ARID5B: variants seen among roughly 807,000 people sequenced by gnomAD.
ARID5B encodes AT-rich interaction domain 5B, also known as AT-rich interactive domain-containing protein 5B.
ARID5B carries 13 observed loss-of-function variants against 97.2 expected under a neutral mutation model. The observed-to-expected ratio is 0.13, with a 90% CI of 0.09 to 0.21. The LOEUF is 0.21. Among genes scored for constraint, ARID5B ranks in the 10% least tolerant of loss-of-function variants. The probability of loss-of-function intolerance (pLI) is 1.00; values close to 1 mark genes in which losing one functional copy is unlikely to be tolerated. For synonymous variants in ARID5B, 556 were observed against 570.3 expected (o/e 0.97, Z 0.36); for missense variants, 1,210 against 1,465.3 (o/e 0.83, Z 2.84).
intron 3 of ARID5B, among the ~76,000 whole-genome samples, chr10:61,957,980 G>A (rs1838415595): frequency 1.3e-5 from 2 of 152,060 alleles, no homozygotes; most frequent in East Asian, 1.9e-4. Flanking sequence ...CCTCAACTAC[G>A]GCCTTCATTT....
intron 3 of ARID5B, among the ~76,000 whole-genome samples, chr10:61,985,439 T>C (rs1450245870): frequency 6.6e-6 from 1 of 152,016 alleles, no homozygotes; most frequent in Non-Finnish European, 1.5e-5. Context: ...AGCCAATAGA[T>C]GGAAGACCAT....
chr10:62,001,930 C>T, intron 4 of ARID5B, among the ~76,000 whole-genome samples: 1 of 151,930 alleles, frequency 6.6e-6, no homozygotes, highest in East Asian at 1.9e-4. Flanking sequence ...TTTACAATGC[C>T]CTCTCTTTTC....
rs1419584688 is a variant in ARID5B at position 62,044,311 on chromosome 10, TG to T, written c.734-6576del. 6.6e-5 allele frequency among the ~76,000 whole-genome samples: 10 copies of T among 152,180 alleles called. No individual in the cohort carries two copies. In the East Asian group the frequency reaches 1.5e-3, roughly 23 times the overall value. ...GGGGTTGTCTGCTCTTGATGACATT[TG>T]AACATGAAAAGTGTTTAAATCTGGC... On this transcript the variant is annotated intron_variant, in intron 4 of 9. Transcript: ENST00000279873.
Position 62,091,852 on chromosome 10 carries a change from G to A in ARID5B, c.2389G>A (p.Ala797Thr). The A allele has an allele frequency of 1.9e-6, 3 of 1,614,040 alleles. No homozygotes were observed. The highest frequency in any genetic ancestry group is 3.3e-5 in the Admixed American group (2 of 60,012). ...SFSKHHLNPL[A>T]DSYVLKQEIQ... is the part of the protein sequence containing the mutation. Reference sequence around the variant, plus strand: ...CTCCAAGCATCACCTTAACCCCCTTGCTGACTCCTACGTCCTGAAGCAAGA... The same window carrying A: ...CTCCAAGCATCACCTTAACCCCCTTACTGACTCCTACGTCCTGAAGCAAGA... The change falls in exon 10 of 10, where the codon GCT becomes ACT. Residue 797 changes from alanine (A) to threonine (T), a missense_variant. Physicochemically the swap from Ala to Thr is moderately conservative, Grantham distance 58. This residue lies in a region of ARID5B where 800 missense variants were observed against 839.1 expected (regional missense o/e 0.95). Transcript: ENST00000279873.
chr10:62,030,477 T>C (rs1839482826), intron 4 of ARID5B, among the ~76,000 whole-genome samples: 1 of 152,140 alleles, frequency 6.6e-6, no homozygotes, highest in African/African-American at 2.4e-5. Flanking sequence ...AAAAGCAGAA[T>C]ATATTTAATA....
At position 62,094,878 on chromosome 10, in the gene ARID5B, A is replaced by G. The variant is rs1033319332; in HGVS notation, c.*1848A>G. ...AAATTGGTGACAATTTTCAACTTCTAAATAGGTAACTCGACTGCAAAATAA... is the reference window on the plus strand; with the variant it reads ...AAATTGGTGACAATTTTCAACTTCTGAATAGGTAACTCGACTGCAAAATAA... On this transcript the variant is annotated 3_prime_UTR_variant, in exon 10 of 10. Transcript: ENST00000279873. 1.3e-5 allele frequency: 3 copies of G among 231,068 alleles called. No homozygotes were observed. Among genetic ancestry groups the G allele is most frequent in the African/African-American group, 6.6e-5 (3 of 45,204 alleles). The allele number at this position is 231,068 out of a possible 1,614,324, so 14.3% of individuals were successfully genotyped here. A position where few individuals can be genotyped will look rare whatever the true frequency, so the allele number is the denominator to read the frequency against.
intron 1 of ARID5B, among the ~76,000 whole-genome samples, 171 bp from the exon 2 acceptor site, chr10:61,901,988 T>G (rs1389688185): frequency 6.6e-6 from 1 of 151,438 alleles, no homozygotes; most frequent in Non-Finnish European, 1.5e-5. Context: ...TTTTTTTTTT[T>G]TTTTAGGGAA....
intron 7 of ARID5B, among the ~76,000 whole-genome samples, chr10:62,064,131 A>C (rs1839956899): frequency 1.3e-5 from 2 of 152,220 alleles, no homozygotes; most frequent in Non-Finnish European, 1.5e-5. Context: ...TCCTTGCTGA[A>C]AGGATTAGGC....
intron 8 of ARID5B, among the ~76,000 whole-genome samples, chr10:62,082,613 T>C (rs925716876): frequency 3.3e-5 from 5 of 152,224 alleles, no homozygotes; most frequent in African/African-American, 1.2e-4. Context: ...CTTTATATAA[T>C]ACAAACCTAC....
intron 3 of ARID5B, among the ~76,000 whole-genome samples, chr10:61,976,850 C>T (rs935449700): frequency 1.9e-4 from 17 of 88,334 alleles, no homozygotes; most frequent in Non-Finnish European, 3.9e-4. Flanking sequence ...GGGAGAGAAA[C>T]TTTCTTTCTT....
At chr10:62,002,793 T>C (rs916669661) in intron 4 of ARID5B, among the ~76,000 whole-genome samples, 1 of 152,214 alleles carries the variant, frequency 6.6e-6, no homozygotes, top group Non-Finnish European at 1.5e-5. Context: ...AACACTTCTG[T>C]CAGATTACCG....
chr10:61,925,953 A>G (rs1386676491), intron 2 of ARID5B, among the ~76,000 whole-genome samples: 1 of 152,170 alleles, frequency 6.6e-6, no homozygotes, highest in Non-Finnish European at 1.5e-5. Flanking sequence ...TCCAAAATTC[A>G]TCGAGCCACA....
chr10:61,925,593 G>T (rs1254126054), intron 2 of ARID5B, among the ~76,000 whole-genome samples: 2 of 152,086 alleles, frequency 1.3e-5, no homozygotes, highest in African/African-American at 4.8e-5. Flanking sequence ...TAGGACACTG[G>T]GATGCAATTT....
intron 2 of ARID5B, among the ~76,000 whole-genome samples, chr10:61,908,799 C>CAAAAAAAAAAAAAA (rs369792859): frequency 2.0e-5 from 1 of 50,984 alleles, no homozygotes; most frequent in Non-Finnish European, 3.5e-5. Context: ...GACTCCATCT[C>CAAAAAAAAAAAAAA]AAAAAAAAAA....
intron 2 of ARID5B, among the ~76,000 whole-genome samples, chr10:61,933,042 A>G (rs1024685044): frequency 1.3e-5 from 2 of 152,192 alleles, no homozygotes; most frequent in South Asian, 2.1e-4. Flanking sequence ...ATGCACTCCA[A>G]CCTGGCCAAC....
chr10:62,058,139 C>G (rs1197439679), intron 6 of ARID5B, among the ~76,000 whole-genome samples: 1 of 152,160 alleles, frequency 6.6e-6, no homozygotes, highest in Non-Finnish European at 1.5e-5. Context: ...GCAATTGGCA[C>G]TGATTGCAGG....
intron 3 of ARID5B, among the ~76,000 whole-genome samples, chr10:61,992,675 AC>A (rs758145489): frequency 2.0e-5 from 3 of 152,098 alleles, no homozygotes; most frequent in Non-Finnish European, 4.4e-5. Flanking sequence ...ATTTAGCAAA[AC>A]AAATGGCAAG....
At chr10:62,048,052 T>C (rs746922744) in intron 4 of ARID5B, among the ~76,000 whole-genome samples, 3 of 152,190 alleles carry the variant, frequency 2.0e-5, no homozygotes, top group Non-Finnish European at 2.9e-5. Flanking sequence ...CCATTCCCAG[T>C]GCAAACTCAA....
intron 2 of ARID5B, among the ~76,000 whole-genome samples, chr10:61,930,788 T>C (rs1015407768): frequency 6.6e-6 from 1 of 152,008 alleles, no homozygotes; most frequent in African/African-American, 2.4e-5. Context: ...TCTTCTCCAG[T>C]AGTGCACCCC....
Sources: gnomAD v4.1 joint callset for allele counts (sites outside exome capture counted in the v4.1 genomes callset) on GRCh38, gnomAD v4.1.1 for gene constraint, gnomAD v4.1.1 regional missense constraint, MANE v1.5 for transcripts, NCBI Gene and HGNC (gene_info 2026-07-23, HGNC 2026-07-21) for gene names.